Variants in EVC observed in about 807,000 individuals in gnomAD.
EVC encodes the protein EvC ciliary complex subunit 1.
In EVC, 116 loss-of-function variants were observed where a neutral mutation model predicts 118.9. The observed-to-expected ratio is 0.98, with a 90% CI of 0.84 to 1.14. The LOEUF (loss-of-function observed/expected upper bound fraction) is 1.14. Among genes scored for constraint, EVC ranks in the 50% most tolerant of loss-of-function variants. The probability of loss-of-function intolerance (pLI) is 0.00; values close to 1 mark genes in which losing one functional copy is unlikely to be tolerated. For synonymous variants in EVC, 619 were observed against 534.7 expected (o/e 1.16, Z -2.18); for missense variants, 1,401 against 1,246.4 (o/e 1.12, Z -1.87).
chr4:5,756,633 T>C lies in EVC; in HGVS notation c.1563+271T>C, dbSNP rs541728735. On this transcript the variant is annotated intron_variant, in intron 11 of 20. Coordinates refer to ENST00000264956, the MANE Select transcript of EVC (RefSeq NM_153717.3). The surrounding 1 kb of genome is among the most constrained non-coding windows in gnomAD (Gnocchi z 4.2). ...CACACATCCCTGTCAGCAAAGCTCT[T>C]TGGAAATCCGTTCTCCCCAGGTGAG... Among the ~76,000 whole-genome samples the C allele has an allele frequency of 6.6e-6, 1 of 152,274 alleles. No homozygotes were observed. Among genetic ancestry groups the C allele is most frequent in the East Asian group, 1.9e-4 (1 of 5,172 alleles).
At chr4:5,821,591 A>C in the EVC span, 2 of 655,892 alleles carry the variant, frequency 3.0e-6, no homozygotes, top group Non-Finnish European at 5.2e-6. This position sits in a 1 kb window ranked among gnomAD's most constrained non-coding sequence, Gnocchi z 4.4. Context: ...AAGCAAACAC[A>C]CCACACTAGT....
intron 12 of EVC, among the ~76,000 whole-genome samples, chr4:5,787,614 A>C (rs892419253): frequency 1.2e-4 from 19 of 152,232 alleles, no homozygotes; most frequent in African/African-American, 4.6e-4. Context: ...TCCGATCTCC[A>C]GAAGCGTAAG....
At chr4:5,772,270 C>T (rs1734107373) in intron 11 of EVC, among the ~76,000 whole-genome samples, 1 of 152,036 alleles carries the variant, frequency 6.6e-6, no homozygotes, top group Non-Finnish European at 1.5e-5. Flanking sequence ...CTCACAGTGC[C>T]CTTGTATCAC....
intron 11 of EVC, among the ~76,000 whole-genome samples, chr4:5,767,874 C>T (rs797010462): frequency 1.4e-4 from 21 of 152,320 alleles, no homozygotes; most frequent in South Asian, 4.1e-4. Flanking sequence ...GCGTCGCTCA[C>T]GCTGGGAGCT....
intron 2 of EVC, among the ~76,000 whole-genome samples, chr4:5,720,843 T>C (rs77103703): frequency 6.6e-6 from 1 of 152,118 alleles, no homozygotes; most frequent in African/African-American, 2.4e-5. Context: ...TGTAGCTAAA[T>C]AGTGAACAGG....
chr4:5,773,544 C>T (rs747657525), intron 11 of EVC, among the ~76,000 whole-genome samples: 19 of 152,158 alleles, frequency 1.2e-4, no homozygotes, highest in Admixed American at 5.2e-4. Context: ...GCTCTCCACT[C>T]ACCTTGAGAA....
chr4:5,759,093 G>C (rs867937839), intron 11 of EVC, among the ~76,000 whole-genome samples: 1 of 151,652 alleles, frequency 6.6e-6, no homozygotes, highest in African/African-American at 2.4e-5. Context: ...GGTCCTCTGA[G>C]TGCCCAGGCA....
intron 11 of EVC, among the ~76,000 whole-genome samples, chr4:5,767,345 G>A (rs965156127): frequency 1.8e-5 from 2 of 110,356 alleles, no homozygotes; most frequent in African/African-American, 5.3e-5. Flanking sequence ...GGTTACTGCT[G>A]TCTTTTTGTT....
At chr4:5,821,372 G>C in the EVC span, 1 of 199,390 alleles carries the variant, frequency 5.0e-6, no homozygotes, top group Non-Finnish European at 1.0e-5. The surrounding 1 kb of genome is among the most constrained non-coding windows in gnomAD (Gnocchi z 4.4). Context: ...ACTTGCATAC[G>C]TAATTTAGTA....
intron 3 of EVC, among the ~76,000 whole-genome samples, chr4:5,729,627 A>G (rs1305020311): frequency 6.6e-6 from 1 of 152,114 alleles, no homozygotes; most frequent in Non-Finnish European, 1.5e-5. Context: ...GCACAGTAGG[A>G]CAGCTCCCTC....
At chr4:5,824,371 G>C in the EVC span, 2 of 985,280 alleles carry the variant, frequency 2.0e-6, no homozygotes, top group East Asian at 1.1e-4. Context: ...TGGAGAGTGA[G>C]ATGAATGGGG....
chr4:5,808,148 T>A, intron 17 of EVC, 53 bp from the exon 18 acceptor site: 1 of 254,406 alleles, frequency 3.9e-6, no homozygotes. Flanking sequence ...CCTCCCTCCC[T>A]CCCTCCCTCC....
At chr4:5,732,553 C>G (rs1726990765) in intron 4 of EVC, among the ~76,000 whole-genome samples, 1 of 152,200 alleles carries the variant, frequency 6.6e-6, no homozygotes, top group Non-Finnish European at 1.5e-5. Context: ...GAAAAAAGGT[C>G]AAAGACTTTT....
chr4:5,760,654 G>C (rs1731864617), intron 11 of EVC, among the ~76,000 whole-genome samples: 1 of 152,156 alleles, frequency 6.6e-6, no homozygotes, highest in Non-Finnish European at 1.5e-5. Context: ...CTGGGTTCCA[G>C]AGATTCTTCT....
intron 4 of EVC, among the ~76,000 whole-genome samples, chr4:5,732,486 G>A (rs934589969): frequency 3.9e-5 from 6 of 152,228 alleles, no homozygotes; most frequent in Non-Finnish European, 8.8e-5. Flanking sequence ...GGGACTTAGA[G>A]GATTTGAAAC....
At position 5,766,893 on chromosome 4, in the gene EVC, T is replaced by C. The variant is rs556854449; in HGVS notation, c.1563+10531T>C. Among the ~76,000 whole-genome samples, 3 of 152,206 alleles carry C rather than the reference T, an allele frequency of 2.0e-5. No homozygotes were observed. In the South Asian group the frequency reaches 6.2e-4, roughly 32 times the overall value. On this transcript the variant is annotated intron_variant, in intron 11 of 20. Coordinates refer to ENST00000264956, the MANE Select transcript of EVC (RefSeq NM_153717.3). Reference sequence around the variant, plus strand: ...AGTAATTTGATCGTCTGAAGCCTTCTCTCAGCTTGTCAAAGTCATTCTCCA... The same window carrying C: ...AGTAATTTGATCGTCTGAAGCCTTCCCTCAGCTTGTCAAAGTCATTCTCCA...
At chr4:5,736,048 C>T (rs1727614911) in intron 5 of EVC, among the ~76,000 whole-genome samples, 3 of 152,036 alleles carry the variant, frequency 2.0e-5, no homozygotes, top group Admixed American at 2.0e-4. Flanking sequence ...CTTAGAACTC[C>T]CTGGCTGGCC....
In EVC at chr4:5,742,039, T is replaced by C. The variant is rs759399951; in HGVS notation, c.801+225T>C. Among the ~76,000 whole-genome samples the C allele has an allele frequency of 6.6e-6, 1 of 151,754 alleles. No homozygotes were observed. The highest frequency in any genetic ancestry group is 2.4e-5 in the African/African-American group (1 of 41,192). On this transcript the variant is annotated intron_variant, in intron 6 of 20. Coordinates refer to ENST00000264956, the MANE Select transcript of EVC (RefSeq NM_153717.3). The surrounding 1 kb of genome is among the most constrained non-coding windows in gnomAD (Gnocchi z 5.2). ...AGCAAAGAGAATAATATTGGTCATA[T>C]CTACTACTCAAAGACGGTCACTGTT...
rs984730757 is a variant in EVC, at chr4:5,746,942, C to T, written c.940-1206C>T. 6.6e-6 allele frequency among the ~76,000 whole-genome samples: 1 copy of T among 151,990 alleles called. No homozygotes were observed. Among genetic ancestry groups the T allele is most frequent in the African/African-American group, 2.4e-5 (1 of 41,398 alleles). On this transcript the variant is annotated intron_variant, in intron 7 of 20. Transcript: ENST00000264956. This position sits in a 1 kb window ranked among gnomAD's most constrained non-coding sequence, Gnocchi z 5.8. ...GAGAATCAGGAGTTTGTAAGCAGAG[C>T]GGGCTGTGTAGAGTTGGCAGGTGAC...
Sources: gnomAD v4.1 joint callset for allele counts (sites outside exome capture counted in the v4.1 genomes callset) on GRCh38, gnomAD v4.1.1 for gene constraint, Gnocchi (gnomAD v3.1) non-coding constraint, MANE v1.5 for transcripts, NCBI Gene and HGNC (gene_info 2026-07-23, HGNC 2026-07-21) for gene names.